Variants in PTPRN2 observed in about 807,000 individuals in gnomAD.
PTPRN2 encodes the protein protein tyrosine phosphatase receptor type N2.
PTPRN2 carries 74 observed loss-of-function variants against 118.8 expected under a neutral mutation model. The observed-to-expected ratio is 0.62, with a 90% CI of 0.52 to 0.76. The LOEUF (loss-of-function observed/expected upper bound fraction) is 0.76. PTPRN2 is among the 30% of genes least tolerant of loss of function. The probability of loss-of-function intolerance (pLI) is 0.00; values close to 1 mark genes in which losing one functional copy is unlikely to be tolerated. For missense variants in PTPRN2, 1,481 were observed against 1,394.4 expected, an observed-to-expected ratio of 1.06 and a Z score of -0.99; for synonymous variants, 641 against 608.0, an observed-to-expected ratio of 1.05 and a Z score of -0.80.
At chr7:158,071,552 G>GGTGGAGGTGCTC (rs1811680273) in intron 11 of PTPRN2, among the ~76,000 whole-genome samples, 2 of 96,970 alleles carry the variant, frequency 2.1e-5, no homozygotes, top group Non-Finnish European at 4.6e-5. Context: ...AGGTGCTCCT[G>GGTGGAGGTGCTC]GTGGTGGAGG....
chr7:158,384,958 A>T (rs1811222863), intron 2 of PTPRN2, among the ~76,000 whole-genome samples: 1 of 151,700 alleles, frequency 6.6e-6, no homozygotes, highest in Non-Finnish European at 1.5e-5. Context: ...CAGTAAAATC[A>T]CCTGCCCGCC....
chr7:158,462,954 A>G (rs1168915545), intron 2 of PTPRN2, among the ~76,000 whole-genome samples: 1 of 57,392 alleles, frequency 1.7e-5, no homozygotes, highest in African/African-American at 6.9e-5. Context: ...TTCAGCACGA[A>G]TAACTGGTTC....
At chr7:158,122,408 C>T (rs565383435) in intron 9 of PTPRN2, among the ~76,000 whole-genome samples, 10 of 152,326 alleles carry the variant, frequency 6.6e-5, no homozygotes, top group African/African-American at 1.7e-4. Context: ...CCCTCTTCCA[C>T]GGTGTCCTCT....
intron 13 of PTPRN2, among the ~76,000 whole-genome samples, chr7:157,664,462 G>A (rs1417377013): frequency 6.6e-6 from 1 of 152,244 alleles, no homozygotes; most frequent in East Asian, 1.9e-4. Flanking sequence ...ATTCTGTGTG[G>A]TGAGTTTAAA....
intron 1 of PTPRN2, among the ~76,000 whole-genome samples, chr7:158,499,853 G>A (rs1219279357): frequency 6.6e-6 from 1 of 151,296 alleles, no homozygotes; most frequent in Non-Finnish European, 1.5e-5. Flanking sequence ...ATGTGTGTGT[G>A]TGTGTGTATA....
intron 11 of PTPRN2, among the ~76,000 whole-genome samples, chr7:157,984,647 T>A (rs1309626033): frequency 6.6e-6 from 1 of 152,084 alleles, no homozygotes; most frequent in East Asian, 1.9e-4. Flanking sequence ...TCAGTCCTGC[T>A]CTCTGACACC....
chr7:158,038,354 GA>G (rs1487162722), intron 11 of PTPRN2, among the ~76,000 whole-genome samples: 4 of 152,034 alleles, frequency 2.6e-5, no homozygotes, highest in Non-Finnish European at 2.9e-5. Context: ...TATCTAAGTA[GA>G]AAAAGATAAA....
chr7:158,314,890 C>T (rs1164498043), intron 3 of PTPRN2, among the ~76,000 whole-genome samples: 2 of 149,912 alleles, frequency 1.3e-5, no homozygotes, highest in African/African-American at 4.9e-5. Flanking sequence ...CCGGGACCCC[C>T]TTAAGGACAG....
chr7:157,701,798 G>C (rs1798081968), intron 12 of PTPRN2, among the ~76,000 whole-genome samples: 1 of 151,480 alleles, frequency 6.6e-6, no homozygotes, highest in Non-Finnish European at 1.5e-5. Context: ...AAGAGAGCCG[G>C]GTAGGTGCTG....
At chr7:157,982,270 CAA>C (rs1803293559) in intron 11 of PTPRN2, among the ~76,000 whole-genome samples, 1 of 38,288 alleles carries the variant, frequency 2.6e-5, no homozygotes, top group Non-Finnish European at 4.9e-5. Flanking sequence ...GTCATAGAGC[CAA>C]GGAGGGGAAT....
intron 12 of PTPRN2, among the ~76,000 whole-genome samples, chr7:157,886,123 T>C (rs1386352717): frequency 2.0e-5 from 3 of 152,118 alleles, no homozygotes; most frequent in African/African-American, 7.2e-5. Flanking sequence ...CTTATGAACA[T>C]CCCTAGAGTT....
intron 3 of PTPRN2, among the ~76,000 whole-genome samples, chr7:158,311,925 A>C (rs968612334): frequency 2.0e-5 from 3 of 147,884 alleles, no homozygotes; most frequent in African/African-American, 2.6e-5. Context: ...CTGCACACAC[A>C]TGTGCTCACG....
intron 9 of PTPRN2, among the ~76,000 whole-genome samples, chr7:158,125,897 G>C (rs1384959268): frequency 6.6e-6 from 1 of 152,174 alleles, no homozygotes; most frequent in Non-Finnish European, 1.5e-5. Context: ...CCCCGTCCTG[G>C]CACCCTGCTG....
At position 158,071,601 on chromosome 7, in the gene PTPRN2, G is replaced by GTGA. The variant is rs1356228839; in HGVS notation, c.1723+9696_1723+9697insTCA. Among the ~76,000 whole-genome samples the GTGA allele has an allele frequency of 2.7e-5, 3 of 112,072 alleles. 1 individual carries two copies. Among genetic ancestry groups the GTGA allele is most frequent in the Non-Finnish European group, 3.9e-5 (2 of 51,538 alleles). 73.5% of individuals were successfully genotyped at this position (112,072 alleles called of 152,430 possible). On this transcript the variant is annotated intron_variant, in intron 11 of 22. Coordinates refer to ENST00000389418, the MANE Select transcript of PTPRN2 (RefSeq NM_002847.5). The stretch of plus-strand genomic sequence containing the variant: ...GGTGCTCCTGGTGGAGGTGCTCCTG[G>GTGA]TGGAGGTGCTCGTGGTGGAGGTGCT...
chr7:157,552,417 T>C (rs144013045), intron 21 of PTPRN2, among the ~76,000 whole-genome samples: 1 of 152,152 alleles, frequency 6.6e-6, no homozygotes, highest in African/African-American at 2.4e-5. Flanking sequence ...ACAGGCTCCA[T>C]CTAACACTGG....
At chr7:157,936,754 T>A (rs1330822309) in intron 11 of PTPRN2, among the ~76,000 whole-genome samples, 1 of 152,004 alleles carries the variant, frequency 6.6e-6, no homozygotes, top group Non-Finnish European at 1.5e-5. Flanking sequence ...GGTTCTACAG[T>A]GCAGGTCTGA....
intron 13 of PTPRN2, among the ~76,000 whole-genome samples, chr7:157,661,413 G>A (rs879565307): frequency 6.6e-6 from 1 of 152,276 alleles, no homozygotes; most frequent in African/African-American, 2.4e-5. Flanking sequence ...GGCAACGCGC[G>A]GCCGGGGACG....
At chr7:158,150,012 C>G (rs146058551) in intron 6 of PTPRN2, among the ~76,000 whole-genome samples, 24 of 152,256 alleles carry the variant, frequency 1.6e-4, no homozygotes, top group Middle Eastern at 3.4e-3. Flanking sequence ...ACAGACACAT[C>G]AGATTTAGGT....
At chr7:158,582,874 G>A (rs1586983106) in intron 1 of PTPRN2, among the ~76,000 whole-genome samples, 1 of 149,052 alleles carries the variant, frequency 6.7e-6, no homozygotes, top group East Asian at 2.0e-4. Flanking sequence ...TTAGATATCT[G>A]TCACCCAATG....
Sources: gnomAD v4.1 joint callset for allele counts (sites outside exome capture counted in the v4.1 genomes callset) on GRCh38, gnomAD v4.1.1 for gene constraint, MANE v1.5 for transcripts, NCBI Gene and HGNC (gene_info 2026-07-23, HGNC 2026-07-21) for gene names.